CSMD1: variants seen among roughly 807,000 people sequenced by gnomAD.
CSMD1 encodes CUB and Sushi multiple domains 1, also known as CUB and sushi domain-containing protein 1.
Under a neutral mutation model 417.5 loss-of-function variants are expected in CSMD1, and 213 were observed. That is an observed-to-expected ratio of 0.51 (90% CI 0.46 to 0.57). The LOEUF (loss-of-function observed/expected upper bound fraction) is 0.57, where lower values mean the gene tolerates loss of function less well. Ranked by LOEUF, CSMD1 falls within the 20% of genes least tolerant of loss-of-function variation. The pLI, the probability that CSMD1 is intolerant of heterozygous loss-of-function variation, is 0.00. For missense variants in CSMD1, 6,923 were observed against 4,529.7 expected (o/e 1.53, Z -15.17); for synonymous variants, 2,862 against 1,736.8 (o/e 1.65, Z -16.11).
intron 1 of CSMD1, among the ~76,000 whole-genome samples, chr8:4,784,244 G>C (rs894134901): frequency 2.0e-5 from 3 of 152,158 alleles, no homozygotes; most frequent in African/African-American, 7.2e-5. Flanking sequence ...AATTGGAAAA[G>C]TCAAGCCCAA....
chr8:3,238,871 G>C (rs1180602434), intron 26 of CSMD1, among the ~76,000 whole-genome samples: 1 of 152,156 alleles, frequency 6.6e-6, no homozygotes, highest in African/African-American at 2.4e-5. Flanking sequence ...ATGGCTTGGA[G>C]AAATAGTGTA....
At chr8:3,466,325 C>T (rs1246201798) in intron 12 of CSMD1, among the ~76,000 whole-genome samples, 1 of 152,050 alleles carries the variant, frequency 6.6e-6, no homozygotes. Flanking sequence ...GTGTTCCTAA[C>T]ACTAGATGTT....
intron 37 of CSMD1, among the ~76,000 whole-genome samples, chr8:3,172,712 A>C (rs574946855): frequency 6.6e-6 from 1 of 152,286 alleles, no homozygotes; most frequent in African/African-American, 2.4e-5. Flanking sequence ...AGGAAGGCCC[A>C]CATGCACTCT....
At chr8:3,501,258 G>A (rs1158088766) in intron 10 of CSMD1, among the ~76,000 whole-genome samples, 1 of 151,912 alleles carries the variant, frequency 6.6e-6, no homozygotes, top group Non-Finnish European at 1.5e-5. Flanking sequence ...ACACACACAG[G>A]CACAGAAACA....
intron 43 of CSMD1, among the ~76,000 whole-genome samples, chr8:3,109,720 C>T (rs1816377259): frequency 6.6e-6 from 1 of 151,930 alleles, no homozygotes; most frequent in Admixed American, 6.6e-5. Flanking sequence ...TGGGCTCCAA[C>T]AAGAGTGCAG....
intron 3 of CSMD1, among the ~76,000 whole-genome samples, chr8:4,088,404 TC>T (rs1413800285): frequency 1.3e-5 from 2 of 152,206 alleles, no homozygotes; most frequent in Non-Finnish European, 2.9e-5. Flanking sequence ...TAACACCTTT[TC>T]TCAGGTTTCC....
Position 3,320,788 on chromosome 8 carries a change from G to GC in CSMD1, c.3632-12286dup, listed in dbSNP as rs2117476160. 2.0e-5 allele frequency among the ~76,000 whole-genome samples: 3 copies of GC among 152,268 alleles called. No homozygotes were observed. The South Asian group carries it at 6.2e-4, about 32-fold the overall frequency. On this transcript the variant is annotated intron_variant, in intron 23 of 69. Coordinates refer to ENST00000635120, the MANE Select transcript of CSMD1 (RefSeq NM_033225.6). ...CATCCTCTCTGGGCTTATTCCTGAG[G>GC]CATTAATAACCTAAGCCACCCGCCT...
intron 1 of CSMD1, among the ~76,000 whole-genome samples, chr8:4,953,017 C>T (rs1382868911): frequency 1.3e-5 from 2 of 152,026 alleles, no homozygotes; most frequent in Non-Finnish European, 2.9e-5. Context: ...AAAGGTTTTC[C>T]ACATGTGAGA....
At chr8:4,496,778 C>A (rs1802000226) in intron 2 of CSMD1, among the ~76,000 whole-genome samples, 1 of 152,102 alleles carries the variant, frequency 6.6e-6, no homozygotes, top group Non-Finnish European at 1.5e-5. Context: ...GAAAGCATTT[C>A]CTTAGAGCTG....
At chr8:4,251,665 T>G (rs1385435368) in intron 3 of CSMD1, among the ~76,000 whole-genome samples, 3 of 152,106 alleles carry the variant, frequency 2.0e-5, no homozygotes, top group African/African-American at 4.8e-5. Context: ...CATTTAATAG[T>G]CTGGGATTGG....
rs551671585 is a variant in CSMD1 at position 4,742,484 on chromosome 8, G to A, written c.86-104926C>T. 2.4e-3 allele frequency among the ~76,000 whole-genome samples: 362 copies of A among 151,892 alleles called. 3 individuals carry two copies. The highest frequency in any genetic ancestry group is 5.0e-3 in the South Asian group (24 of 4,800). On this transcript the variant is annotated intron_variant, in intron 1 of 69. Transcript: ENST00000635120. ...TTTACTTTTAGTCATTCACATACAC[G>A]CACACATACATATACACACATGTAC...
At chr8:3,826,485 G>A (rs1319311984) in intron 5 of CSMD1, among the ~76,000 whole-genome samples, 6 of 152,206 alleles carry the variant, frequency 3.9e-5, no homozygotes, top group South Asian at 2.1e-4. Context: ...CTCCTAGGCA[G>A]GGGGACCATG....
intron 30 of CSMD1, among the ~76,000 whole-genome samples, chr8:3,206,664 G>T (rs1367190767): frequency 1.5e-5 from 2 of 135,964 alleles, no homozygotes; most frequent in Non-Finnish European, 3.2e-5. Context: ...GTGTGTGGGG[G>T]TATGTCTGTG....
At chr8:4,158,389 G>C (rs910733736) in intron 3 of CSMD1, among the ~76,000 whole-genome samples, 4 of 151,986 alleles carry the variant, frequency 2.6e-5, no homozygotes, top group African/African-American at 2.4e-5. Flanking sequence ...ACAGCCACTA[G>C]TGCGGTCATC....
intron 10 of CSMD1, among the ~76,000 whole-genome samples, chr8:3,504,332 G>T (rs1458745374): frequency 1.3e-5 from 2 of 152,190 alleles, no homozygotes; most frequent in African/African-American, 4.8e-5. Context: ...CTCAACGAGA[G>T]TCTTGAAAGA....
intron 37 of CSMD1, among the ~76,000 whole-genome samples, chr8:3,166,674 A>G (rs1820238528): frequency 6.6e-6 from 1 of 152,220 alleles, no homozygotes; most frequent in African/African-American, 2.4e-5. Flanking sequence ...TCATATAAAT[A>G]ATGGGCAAAC....
chr8:4,267,764 G>C (rs1010992241), intron 3 of CSMD1, among the ~76,000 whole-genome samples: 2 of 152,084 alleles, frequency 1.3e-5, no homozygotes, highest in Non-Finnish European at 2.9e-5. Flanking sequence ...CTTAGCATCA[G>C]AATGCATATT....
At chr8:4,784,128 C>A (rs1211493956) in intron 1 of CSMD1, among the ~76,000 whole-genome samples, 2 of 152,176 alleles carry the variant, frequency 1.3e-5, no homozygotes, top group African/African-American at 4.8e-5. Context: ...GCCAAGGGTA[C>A]ACAGAATAAG....
chr8:3,823,925 A>G (rs969843942), intron 5 of CSMD1, among the ~76,000 whole-genome samples: 73 of 152,270 alleles, frequency 4.8e-4, no homozygotes, highest in African/African-American at 1.7e-3. Context: ...TTCTACCTTT[A>G]CATCTCTGGT....
Sources: allele counts gnomAD v4.1 joint callset (sites outside exome capture counted in the v4.1 genomes callset), GRCh38; gene constraint gnomAD v4.1.1; transcripts MANE v1.5; gene names NCBI Gene and HGNC (gene_info 2026-07-23, HGNC 2026-07-21).